Variants in ZFHX3 observed in about 807,000 individuals in gnomAD.
The protein encoded by ZFHX3 is zinc finger homeobox 3, also known as zinc finger homeobox protein 3.
ZFHX3 carries 42 observed loss-of-function variants against 279.1 expected under a neutral mutation model. The observed-to-expected ratio is 0.15, with a 90% CI of 0.12 to 0.19. ZFHX3 has a LOEUF of 0.19. Ranked by LOEUF, ZFHX3 falls within the 10% of genes least tolerant of loss-of-function variation. ZFHX3 has a pLI of 1.00. For missense variants in ZFHX3, 4,981 were observed against 4,754.0 expected (o/e 1.05, Z -1.40); for synonymous variants, 2,293 against 1,957.8 (o/e 1.17, Z -4.52).
intron 3 of ZFHX3, among the ~76,000 whole-genome samples, chr16:73,429,680 C>T (rs2017877473): frequency 6.6e-6 from 1 of 152,082 alleles, no homozygotes; most frequent in Non-Finnish European, 1.5e-5. Context: ...GTAAAATTGC[C>T]AGATTTTAAA....
chr16:73,652,989 T>G (rs1008686645), intron 2 of ZFHX3, among the ~76,000 whole-genome samples: 2 of 151,894 alleles, frequency 1.3e-5, no homozygotes, highest in Non-Finnish European at 2.9e-5. Context: ...AAAAGACATA[T>G]CTACAAAATA....
At chr16:73,721,443 T>C (rs1034906950) in intron 1 of ZFHX3, among the ~76,000 whole-genome samples, 3 of 152,166 alleles carry the variant, frequency 2.0e-5, no homozygotes, top group Non-Finnish European at 4.4e-5. Context: ...TCTTACATCA[T>C]CCTGTCTGGC....
At chr16:72,921,378 T>C (rs2039579755) in intron 3 of ZFHX3, among the ~76,000 whole-genome samples, 2 of 152,332 alleles carry the variant, frequency 1.3e-5, no homozygotes. Context: ...TTTCCTGTTC[T>C]TCAAAGGGCA....
intron 3 of ZFHX3, among the ~76,000 whole-genome samples, chr16:72,938,101 C>T (rs182005174): frequency 5.3e-4 from 81 of 152,354 alleles, no homozygotes; most frequent in Admixed American, 7.2e-4. Context: ...CAGAGACCAG[C>T]GTGGTGCCAA....
intron 4 of ZFHX3, among the ~76,000 whole-genome samples, chr16:72,880,771 A>T (rs2038444403): frequency 6.6e-6 from 1 of 152,238 alleles, no homozygotes; most frequent in African/African-American, 2.4e-5. Flanking sequence ...CCTTTTATTA[A>T]CATATACACA....
intron 1 of ZFHX3, among the ~76,000 whole-genome samples, chr16:73,857,506 T>C (rs1041266296): frequency 6.6e-6 from 1 of 152,164 alleles, no homozygotes; most frequent in Non-Finnish European, 1.5e-5. Flanking sequence ...GACCTCCTTA[T>C]TACACCACTG....
At chr16:73,846,928 AAT>A (rs1961463655) in intron 1 of ZFHX3, among the ~76,000 whole-genome samples, 1 of 152,036 alleles carries the variant, frequency 6.6e-6, no homozygotes, top group Non-Finnish European at 1.5e-5. Flanking sequence ...CTTGTTTTTA[AAT>A]AGTTTTTTTT....
chr16:73,591,555 T>C (rs2051996737), intron 2 of ZFHX3, among the ~76,000 whole-genome samples: 3 of 151,392 alleles, frequency 2.0e-5, no homozygotes, highest in Non-Finnish European at 1.5e-5. Context: ...TAGCAGGGCA[T>C]GGTGGCGGGC....
chr16:72,921,080 A>G lies in ZFHX3; in HGVS notation c.3216+29389T>C, dbSNP rs1333566069. ...GAGCCAGACCTTGTCAAAAAAAAAA[A>G]AAAAAAAAAAAAAAAGCTAATCCAA... On this transcript the variant is annotated intron_variant, in intron 3 of 9. Transcript: ENST00000268489. Among the ~76,000 whole-genome samples the G allele has an allele frequency of 2.4e-4, 36 of 151,094 alleles. No homozygotes were observed. The South Asian group carries it at 6.5e-3, about 27-fold the overall frequency.
intron 2 of ZFHX3, among the ~76,000 whole-genome samples, chr16:73,492,901 C>T (rs1323278474): frequency 6.6e-6 from 1 of 152,126 alleles, no homozygotes; most frequent in Non-Finnish European, 1.5e-5. Flanking sequence ...TTATTTCTCA[C>T]TGTAACCACT....
intron 4 of ZFHX3, among the ~76,000 whole-genome samples, chr16:73,277,710 A>T (rs2014336686): frequency 6.6e-6 from 1 of 152,208 alleles, no homozygotes; most frequent in Non-Finnish European, 1.5e-5. Flanking sequence ...ATGTCTCTGC[A>T]TGAGTCCATT....
chr16:73,427,484 G>A (rs1246876462), intron 3 of ZFHX3, among the ~76,000 whole-genome samples: 1 of 152,172 alleles, frequency 6.6e-6, no homozygotes, highest in African/African-American at 2.4e-5. Flanking sequence ...CTCCCACCCA[G>A]ATAGCCTCTT....
intron 2 of ZFHX3, among the ~76,000 whole-genome samples, chr16:73,469,371 C>A (rs2018623892): frequency 6.6e-6 from 1 of 152,082 alleles, no homozygotes; most frequent in African/African-American, 2.4e-5. Context: ...GGATGATGAA[C>A]AGGGGTGCGG....
At chr16:73,768,733 C>G (rs1449045202) in intron 1 of ZFHX3, among the ~76,000 whole-genome samples, 3 of 152,144 alleles carry the variant, frequency 2.0e-5, no homozygotes, top group Non-Finnish European at 4.4e-5. Flanking sequence ...ATTAGGGATA[C>G]CAACTACTCT....
At chr16:73,543,890 G>C in intron 2 of ZFHX3, 1 of 149,538 alleles carries the variant, frequency 6.7e-6, no homozygotes. Context: ...GAGAGGGAGA[G>C]AGAGAGAGAG....
At chr16:72,825,926 A>G (rs2036918113) in intron 5 of ZFHX3, among the ~76,000 whole-genome samples, 1 of 152,194 alleles carries the variant, frequency 6.6e-6, no homozygotes, top group South Asian at 2.1e-4. Context: ...TATCCATACC[A>G]AAAGTTCCAT....
chr16:73,287,956 G>A (rs1352243300), intron 4 of ZFHX3, among the ~76,000 whole-genome samples: 2 of 152,082 alleles, frequency 1.3e-5, no homozygotes, highest in Non-Finnish European at 2.9e-5. Context: ...TTCAGGAGGA[G>A]CCCTCCTCCA....
At chr16:73,105,272 T>C (rs535063293) in intron 7 of ZFHX3, among the ~76,000 whole-genome samples, 17 of 148,522 alleles carry the variant, frequency 1.1e-4, no homozygotes, top group African/African-American at 3.2e-4. Context: ...CATATATATA[T>C]ACACACACAG....
chr16:73,847,871 G>A (rs1415377887), intron 1 of ZFHX3, among the ~76,000 whole-genome samples: 2 of 150,454 alleles, frequency 1.3e-5, no homozygotes, highest in Non-Finnish European at 2.9e-5. Flanking sequence ...CCGAGTAGCT[G>A]GGAGTACGGG....
Sources: allele counts gnomAD v4.1 joint callset (sites outside exome capture counted in the v4.1 genomes callset), GRCh38; gene constraint gnomAD v4.1.1; transcripts MANE v1.5; gene names NCBI Gene and HGNC (gene_info 2026-07-23, HGNC 2026-07-21).